The following SOX5 variants were observed in gnomAD, a reference collection of about 807,000 sequenced individuals.
The protein encoded by SOX5 is SRY-box transcription factor 5.
SOX5 carries 9 observed loss-of-function variants against 92.0 expected under a neutral mutation model. The observed-to-expected ratio is 0.10, with a 90% confidence interval of 0.06 to 0.17. The LOEUF (loss-of-function observed/expected upper bound fraction) is 0.17, where lower values mean the gene tolerates loss of function less well. Ranked by LOEUF, SOX5 falls within the 10% of genes least tolerant of loss-of-function variation. The probability of loss-of-function intolerance (pLI) is 1.00; values close to 1 mark genes in which losing one functional copy is unlikely to be tolerated. For missense variants in SOX5, 642 were observed against 944.5 expected (o/e 0.68, Z 4.20); for synonymous variants, 344 against 336.3 (o/e 1.02, Z -0.25).
chr12:23,548,787 A>G (rs1943641538), intron 11 of SOX5, among the ~76,000 whole-genome samples: 1 of 152,062 alleles, frequency 6.6e-6, no homozygotes, highest in Non-Finnish European at 1.5e-5. Context: ...CTTATGTATA[A>G]AAGTAGATAT....
At chr12:24,537,721 G>A (rs918553689) in intron 1 of SOX5, among the ~76,000 whole-genome samples, 14 of 152,110 alleles carry the variant, frequency 9.2e-5, no homozygotes, top group African/African-American at 3.4e-4. Flanking sequence ...AATACTCAAC[G>A]CCATTTCATC....
At chr12:23,906,554 C>T (rs1466704066) in intron 1 of SOX5, among the ~76,000 whole-genome samples, 1 of 152,170 alleles carries the variant, frequency 6.6e-6, no homozygotes, top group Non-Finnish European at 1.5e-5. Flanking sequence ...CGTGAAAGTG[C>T]TCACCTCCTG....
At chr12:24,000,647 C>T (rs1951509485) in intron 4 of SOX5, among the ~76,000 whole-genome samples, 1 of 151,998 alleles carries the variant, frequency 6.6e-6, no homozygotes, top group Non-Finnish European at 1.5e-5. Flanking sequence ...ACTTGAAGAA[C>T]AGGCATAAGA....
chr12:23,552,623 G>T (rs1944420093), intron 11 of SOX5, among the ~76,000 whole-genome samples: 1 of 151,926 alleles, frequency 6.6e-6, no homozygotes, highest in African/African-American at 2.4e-5. Context: ...GCCATATGTA[G>T]TCAGGAGATA....
At chr12:24,280,633 G>T (rs1257427358) in intron 2 of SOX5, among the ~76,000 whole-genome samples, 1 of 152,016 alleles carries the variant, frequency 6.6e-6, no homozygotes, top group Non-Finnish European at 1.5e-5. Context: ...GGGGACAGAG[G>T]CAAGCCCCGG....
chr12:23,885,189 C>T (rs968793886), intron 2 of SOX5, among the ~76,000 whole-genome samples: 1 of 152,150 alleles, frequency 6.6e-6, no homozygotes, highest in South Asian at 2.1e-4. Flanking sequence ...CTAGTAGTGG[C>T]TGGAGAGGTG....
chr12:23,581,470 T>G (rs1950031010), intron 9 of SOX5, among the ~76,000 whole-genome samples: 1 of 152,140 alleles, frequency 6.6e-6, no homozygotes, highest in African/African-American at 2.4e-5. Context: ...AAAATTGCAC[T>G]TCCTCAAATA....
intron 3 of SOX5, among the ~76,000 whole-genome samples, chr12:23,762,274 T>G (rs1483254751): frequency 2.0e-5 from 3 of 152,094 alleles, no homozygotes; most frequent in Non-Finnish European, 4.4e-5. Context: ...GTGGTGGGCC[T>G]ATAGTCCCAG....
chr12:24,406,566 G>A (rs1000598215), intron 1 of SOX5, among the ~76,000 whole-genome samples: 8 of 152,192 alleles, frequency 5.3e-5, no homozygotes, highest in African/African-American at 1.9e-4. Flanking sequence ...AAAAATGACA[G>A]ACCTTTTCCC....
intron 4 of SOX5, among the ~76,000 whole-genome samples, chr12:24,049,349 G>A (rs369790599): frequency 5.3e-5 from 8 of 152,184 alleles, no homozygotes; most frequent in African/African-American, 9.7e-5. Context: ...ATTTACCCAC[G>A]CTAAACCACT....
intron 4 of SOX5, among the ~76,000 whole-genome samples, chr12:24,096,143 G>A (rs894696476): frequency 1.3e-5 from 2 of 151,958 alleles, no homozygotes; most frequent in African/African-American, 4.8e-5. Flanking sequence ...TATACTTTAA[G>A]TTCTGGGGTA....
At chr12:24,165,927 T>C (rs953067579) in intron 4 of SOX5, among the ~76,000 whole-genome samples, 3 of 151,820 alleles carry the variant, frequency 2.0e-5, no homozygotes, top group South Asian at 4.2e-4. Flanking sequence ...ATATGTGAGA[T>C]TAGGGAAGAT....
At chr12:23,620,481 T>G (rs1362018231) in intron 8 of SOX5, among the ~76,000 whole-genome samples, 1 of 152,094 alleles carries the variant, frequency 6.6e-6, no homozygotes, top group Non-Finnish European at 1.5e-5. Flanking sequence ...TTCAACATTC[T>G]GAGCCTCATC....
At chr12:23,858,412 G>A (rs774168058) in intron 2 of SOX5, among the ~76,000 whole-genome samples, 26 of 152,056 alleles carry the variant, frequency 1.7e-4, no homozygotes, top group African/African-American at 2.4e-4. Flanking sequence ...AAAAGAAGAC[G>A]CACATGCACC....
intron 2 of SOX5, among the ~76,000 whole-genome samples, chr12:23,858,286 A>C (rs1207842628): frequency 1.3e-5 from 2 of 152,208 alleles, no homozygotes; most frequent in African/African-American, 4.8e-5. Context: ...AAATATTTGC[A>C]AACTATGCAT....
At chr12:24,203,939 G>A (rs745341558) in intron 4 of SOX5, among the ~76,000 whole-genome samples, 9 of 151,986 alleles carry the variant, frequency 5.9e-5, no homozygotes, top group East Asian at 1.9e-4. Context: ...AATTATTTAC[G>A]TTTTGAGTAT....
intron 1 of SOX5, among the ~76,000 whole-genome samples, chr12:24,388,026 A>C (rs1030908602): frequency 1.3e-5 from 2 of 152,192 alleles, no homozygotes; most frequent in African/African-American, 4.8e-5. Context: ...AATTGGTGTC[A>C]ATATGCCAGT....
intron 4 of SOX5, among the ~76,000 whole-genome samples, chr12:24,108,391 T>C (rs187225514): frequency 1.3e-3 from 192 of 152,306 alleles, no homozygotes; most frequent in African/African-American, 4.3e-3. Context: ...TGTTCATCAC[T>C]GAAAAATGTA....
chr12:24,242,923 T>C (rs569927436), intron 3 of SOX5, among the ~76,000 whole-genome samples: 14 of 152,294 alleles, frequency 9.2e-5, no homozygotes, highest in African/African-American at 2.9e-4. Context: ...TGAAGTATCA[T>C]TTTCCAAAGC....
Sources: gnomAD v4.1 joint callset for allele counts (sites outside exome capture counted in the v4.1 genomes callset) on GRCh38, gnomAD v4.1.1 for gene constraint, MANE v1.5 for transcripts, NCBI Gene and HGNC (gene_info 2026-07-23, HGNC 2026-07-21) for gene names.